Variants in EIF4E observed in about 807,000 individuals in gnomAD.
EIF4E encodes eIF-4F 25 kDa subunit.
For synonymous variants in EIF4E, 71 were observed against 88.5 expected (o/e 0.80, Z 1.11); for missense variants, 113 against 265.6 (o/e 0.43, Z 3.99).
At chr4:98,896,571 G>C (rs967051632) in intron 2 of EIF4E, among the ~76,000 whole-genome samples, 2 of 148,170 alleles carry the variant, frequency 1.3e-5, no homozygotes, top group Non-Finnish European at 3.0e-5. Context: ...AGCTGATGTG[G>C]GAAGGTCATT....
At chr4:98,891,542 A>C in intron 2 of EIF4E, 1 of 580,228 alleles carries the variant, frequency 1.7e-6, no homozygotes, top group Non-Finnish European at 3.0e-6. Flanking sequence ...AAGGACATTA[A>C]GTGAATAAGC....
chr4:98,896,634 A>G (rs1050321325), intron 2 of EIF4E, among the ~76,000 whole-genome samples: 3 of 126,272 alleles, frequency 2.4e-5, no homozygotes, highest in African/African-American at 6.3e-5. Context: ...ACTGCTCCCC[A>G]GTCTGGGCGA....
chr4:98,916,837 A>G (rs568175179), intron 1 of EIF4E, among the ~76,000 whole-genome samples: 3 of 152,268 alleles, frequency 2.0e-5, no homozygotes, highest in African/African-American at 7.2e-5. Context: ...CTGGCCCACC[A>G]ACGTGAGATA....
chr4:98,892,340 C>CAAA (rs1164170926), intron 2 of EIF4E, among the ~76,000 whole-genome samples: 1 of 126,318 alleles, frequency 7.9e-6, no homozygotes, highest in African/African-American at 3.0e-5. Context: ...AAAAAACAAA[C>CAAA]AAAAAAAAAA....
chr4:98,896,946 C>T (rs574269603), intron 2 of EIF4E, among the ~76,000 whole-genome samples: 36 of 152,186 alleles, frequency 2.4e-4, no homozygotes, highest in African/African-American at 8.7e-4. Context: ...CAGAGTGAGA[C>T]CCTGTCTTCA....
At chr4:98,919,562 T>A (rs1051640123) in intron 1 of EIF4E, among the ~76,000 whole-genome samples, 6 of 147,824 alleles carry the variant, frequency 4.1e-5, no homozygotes, top group African/African-American at 1.5e-4. Context: ...CTTTTTCTTT[T>A]TTTTTTTTTT....
intron 1 of EIF4E, among the ~76,000 whole-genome samples, chr4:98,902,282 G>C (rs924808261): frequency 2.6e-5 from 4 of 152,210 alleles, no homozygotes; most frequent in Admixed American, 6.5e-5. Flanking sequence ...CCGTTGGTCA[G>C]GCTGGTCTTG....
intron 5 of EIF4E, 124 bp from the exon 6 acceptor site, chr4:98,885,185 T>C (rs773199991): frequency 6.0e-5 from 70 of 1,174,616 alleles, no homozygotes; most frequent in Non-Finnish European, 8.1e-5. Flanking sequence ...ATTTTTTAAA[T>C]GTGTAAATTT....
intron 1 of EIF4E, among the ~76,000 whole-genome samples, chr4:98,902,873 G>A (rs1424938618): frequency 6.6e-6 from 1 of 152,026 alleles, no homozygotes; most frequent in Non-Finnish European, 1.5e-5. Context: ...ACAACATTAT[G>A]ATGACAAAAA....
chr4:98,893,231 T>C (rs1311619479), intron 2 of EIF4E, among the ~76,000 whole-genome samples: 2 of 152,256 alleles, frequency 1.3e-5, no homozygotes, highest in African/African-American at 2.4e-5. Flanking sequence ...GTGGTAATCT[T>C]GCTGATGGAG....
chr4:98,913,772 T>A (rs1725251996), intron 1 of EIF4E, among the ~76,000 whole-genome samples: 1 of 152,158 alleles, frequency 6.6e-6, no homozygotes. Context: ...TTTACTTAAT[T>A]TAAGTTAAAC....
At chr4:98,925,464 C>T (rs931809035) in intron 1 of EIF4E, among the ~76,000 whole-genome samples, 10 of 152,114 alleles carry the variant, frequency 6.6e-5, no homozygotes, top group African/African-American at 2.2e-4. Context: ...ATTCAAATGC[C>T]GATAGAATAA....
intron 2 of EIF4E, among the ~76,000 whole-genome samples, chr4:98,893,101 T>A (rs1444980091): frequency 6.6e-6 from 1 of 152,186 alleles, no homozygotes; most frequent in Non-Finnish European, 1.5e-5. Flanking sequence ...AAAGTTACGT[T>A]TACACTATAC....
intron 1 of EIF4E, among the ~76,000 whole-genome samples, chr4:98,911,684 A>AAAG (rs1560649301): frequency 6.7e-6 from 1 of 148,452 alleles, no homozygotes; most frequent in Non-Finnish European, 1.5e-5. Context: ...AAAAAAAAAA[A>AAAG]AAGAAGACTT....
Position 98,887,136 on chromosome 4 carries a change from T to C in EIF4E, c.342A>G (p.Leu114=), listed in dbSNP as rs1723956272. ...DEKNKRGGRW[L]ITLNKQQRRS... is the part of the protein sequence containing the mutation. ...GTCTCTGCTGTTTGTTCAATGTAAT[T>C]AGCCATCGTCCTCCCCGTTTGTTTT... Residue 114 remains leucine, a synonymous_variant, in exon 5 of 7, where the codon CTA becomes CTG. Coordinates refer to ENST00000450253, the MANE Select transcript of EIF4E (RefSeq NM_001968.5). This position sits in a 1 kb window ranked among gnomAD's most constrained non-coding sequence, Gnocchi z 4.0. 1 of 1,614,020 alleles carries C rather than the reference T, an allele frequency of 6.2e-7. No individual in the cohort carries two copies. The highest frequency in any genetic ancestry group is 8.5e-7 in the Non-Finnish European group (1 of 1,179,908).
rs5860556 is a variant in EIF4E, at chr4:98,924,593, GT to G, written c.18+4501del. ...AAAATGAAGTGTGAAATTTGTTTCT[GT>G]TTTTTTTTTTATTCTTTTTGATGGA... On this transcript the variant is annotated intron_variant, in intron 1 of 6. Coordinates refer to ENST00000450253, the MANE Select transcript of EIF4E (RefSeq NM_001968.5). 1.5e-4 allele frequency among the ~76,000 whole-genome samples: 22 copies of G among 146,802 alleles called. 1 individual carries two copies. Among genetic ancestry groups the G allele is most frequent in the South Asian group, 4.3e-4 (2 of 4,610 alleles).
intron 1 of EIF4E, among the ~76,000 whole-genome samples, chr4:98,913,603 C>T (rs1725245688): frequency 6.6e-6 from 1 of 152,030 alleles, no homozygotes. Flanking sequence ...ACCACACCTG[C>T]CTTTTTATGT....
intron 6 of EIF4E, among the ~76,000 whole-genome samples, chr4:98,883,901 T>C (rs139467492): frequency 1.3e-3 from 193 of 151,954 alleles, no homozygotes; most frequent in Middle Eastern, 3.4e-3. Context: ...TAGCCAGGTG[T>C]GGTCATACAC....
intron 1 of EIF4E, among the ~76,000 whole-genome samples, chr4:98,906,510 T>C (rs1464176043): frequency 6.6e-6 from 1 of 152,146 alleles, no homozygotes; most frequent in African/African-American, 2.4e-5. Context: ...AAAAGTATTA[T>C]ATTAGAAATT....
Sources: allele counts gnomAD v4.1 joint callset (sites outside exome capture counted in the v4.1 genomes callset), GRCh38; gene constraint gnomAD v4.1.1; non-coding constraint Gnocchi (gnomAD v3.1); transcripts MANE v1.5; gene names NCBI Gene and HGNC (gene_info 2026-07-23, HGNC 2026-07-21).